The following STK10 variants were observed in gnomAD, a reference collection of about 807,000 sequenced individuals.
The protein encoded by STK10 is serine/threonine-protein kinase 10.
A neutral mutation model predicts 113.8 loss-of-function variants in STK10; 78 were observed. The observed-to-expected ratio is 0.69, with a 90% confidence interval of 0.57 to 0.83. The LOEUF is 0.83. Ranked by LOEUF, STK10 falls within the 40% of genes least tolerant of loss-of-function variation. STK10 has a pLI of 0.00. For synonymous variants in STK10, 465 were observed against 494.7 expected (o/e 0.94, Z 0.80); for missense variants, 1,109 against 1,280.1 (o/e 0.87, Z 2.04).
At position 172,045,040 on chromosome 5, in the gene STK10, T is replaced by C. The variant is rs752482062; in HGVS notation, c.2767-18A>G. 1.2e-5 allele frequency: 19 copies of C among 1,613,426 alleles called. No individual in the cohort carries two copies. In the Middle Eastern group the frequency reaches 6.6e-4, roughly 56 times the overall value. On this transcript the variant is annotated intron_variant, in intron 18 of 18. Coordinates refer to ENST00000176763, the MANE Select transcript of STK10 (RefSeq NM_005990.4). Reference sequence around the variant, plus strand: ...TCCAGAGCCTAGGGAAGAGAGAGGATGGATGGCACTTGGTGAGATCTGCAG... The same window carrying C: ...TCCAGAGCCTAGGGAAGAGAGAGGACGGATGGCACTTGGTGAGATCTGCAG...
At position 172,131,608 on chromosome 5, in the gene STK10, G is replaced by C. The variant is rs115820344; in HGVS notation, c.322-4187C>G. On this transcript the variant is annotated intron_variant, in intron 2 of 18. Coordinates refer to ENST00000176763, the MANE Select transcript of STK10 (RefSeq NM_005990.4). ...CTCTGGGTTAAGTTCCTCAGCTTTG[G>C]TTTGACTCCCAGGCCTTACTTGCTT... 2.7e-3 allele frequency among the ~76,000 whole-genome samples: 415 copies of C among 152,172 alleles called. 3 individuals are homozygous for C. Among genetic ancestry groups the C allele is most frequent in the African/African-American group, 9.6e-3 (399 of 41,516 alleles).
chr5:172,112,727 A>C (rs773162982), intron 4 of STK10, among the ~76,000 whole-genome samples: 1 of 149,448 alleles, frequency 6.7e-6, no homozygotes, highest in Non-Finnish European at 1.5e-5. Flanking sequence ...CCAGGACCCT[A>C]CATTTTTCAC....
intron 1 of STK10, among the ~76,000 whole-genome samples, chr5:172,182,160 G>A (rs1007467516): frequency 4.0e-5 from 6 of 151,494 alleles, no homozygotes; most frequent in Non-Finnish European, 7.4e-5. Context: ...AAAATTAGCC[G>A]GGTGTGGCGG....
intron 12 of STK10, among the ~76,000 whole-genome samples, chr5:172,078,813 C>A (rs1581144071): frequency 6.6e-6 from 1 of 151,934 alleles, no homozygotes; most frequent in South Asian, 2.1e-4. Context: ...CTTCCTGGAA[C>A]CCTGCTGGTG....
rs2113850634 is a variant in STK10, at chr5:172,187,613, A to C, written c.156+274T>G. The stretch of plus-strand genomic sequence containing the variant: ...CCCTTTGTCTCCCCGTGCGGCGCCG[A>C]GCGCAGTGCAGGACACACAGGAAGT... On this transcript the variant is annotated intron_variant, in intron 1 of 18. Transcript: ENST00000176763. The surrounding 1 kb of genome is among the most constrained non-coding windows in gnomAD (Gnocchi z 4.6). Among the ~76,000 whole-genome samples, 1 of 152,266 alleles carries C rather than the reference A, an allele frequency of 6.6e-6. No individual in the cohort carries two copies. The highest frequency in any genetic ancestry group is 2.4e-5 in the African/African-American group (1 of 41,566).
chr5:172,186,380 T>C (rs113735427), intron 1 of STK10, among the ~76,000 whole-genome samples: 1 of 152,030 alleles, frequency 6.6e-6, no homozygotes, highest in East Asian at 1.9e-4. Flanking sequence ...TCCCAACACT[T>C]TGGGAGGCTG....
In STK10 at chr5:172,090,168, A is replaced by G. The variant is rs958597693; in HGVS notation, c.1685+64T>C. The stretch of plus-strand genomic sequence containing the variant: ...AGACAGCCCTCTCACCAAAGGACCA[A>G]TGCCCACTCCTCTTACCATAGCCCC... On this transcript the variant is annotated intron_variant, in intron 10 of 18. Transcript: ENST00000176763. 15 of 1,590,418 alleles carry G rather than the reference A, an allele frequency of 9.4e-6. No homozygotes were observed. In the African/African-American group the frequency reaches 1.9e-4, roughly 20 times the overall value.
intron 1 of STK10, among the ~76,000 whole-genome samples, chr5:172,176,834 C>T (rs1168821193): frequency 2.0e-5 from 3 of 152,160 alleles, no homozygotes; most frequent in Non-Finnish European, 2.9e-5. Flanking sequence ...GAAGGAGGGG[C>T]CTTTTGGGAA....
At chr5:172,064,202 T>C (rs1369427481) in intron 13 of STK10, among the ~76,000 whole-genome samples, 1 of 151,752 alleles carries the variant, frequency 6.6e-6, no homozygotes, top group African/African-American at 2.4e-5. Context: ...AGTTCATAGA[T>C]CCAGAGACAG....
Position 172,117,478 on chromosome 5 carries a change from T to C in STK10, c.520+3A>G. Reference sequence around the variant, plus strand: ...TCCACCTTTCCCACCCTGAGCCCCTTACCCAGCCTGATGTCTCCCTCGAGG... The same window carrying C: ...TCCACCTTTCCCACCCTGAGCCCCTCACCCAGCCTGATGTCTCCCTCGAGG... On this transcript the variant is annotated splice_donor_region_variant and intron_variant, in intron 4 of 18. Transcript: ENST00000176763. 5 of 1,609,066 alleles carry C rather than the reference T, an allele frequency of 3.1e-6. No homozygotes were observed. Among genetic ancestry groups the C allele is most frequent in the Non-Finnish European group, 4.2e-6 (5 of 1,179,600 alleles).
chr5:172,084,087 T>C lies in STK10; in HGVS notation c.1686-1003A>G, dbSNP rs143288702. On this transcript the variant is annotated intron_variant, in intron 10 of 18. Coordinates refer to ENST00000176763, the MANE Select transcript of STK10 (RefSeq NM_005990.4). ...AAATCAAGTTTTAGAAAATGTTTAA[T>C]TACATAAGGAAACATATTAAAAATA... 2.3e-3 allele frequency among the ~76,000 whole-genome samples: 352 copies of C among 151,402 alleles called. 2 individuals are homozygous for C. The highest frequency in any genetic ancestry group is 7.6e-3 in the African/African-American group (310 of 40,898).
chr5:172,072,489 C>T (rs1768214408), intron 12 of STK10, among the ~76,000 whole-genome samples: 1 of 152,118 alleles, frequency 6.6e-6, no homozygotes, highest in African/African-American at 2.4e-5. Context: ...AGGATGGTCT[C>T]GATCTCCTGA....
chr5:172,173,469 G>C (rs1770697078), intron 1 of STK10, among the ~76,000 whole-genome samples: 1 of 152,216 alleles, frequency 6.6e-6, no homozygotes, highest in South Asian at 2.1e-4. Context: ...GGGAAGCCAG[G>C]CATCAGCATT....
chr5:172,105,130 T>C (rs1203743814), intron 7 of STK10, among the ~76,000 whole-genome samples: 1 of 151,396 alleles, frequency 6.6e-6, no homozygotes, highest in Non-Finnish European at 1.5e-5. Flanking sequence ...CGCTCTCGTC[T>C]CCCCTCCCCT....
At chr5:172,113,891 C>A (rs1769303199) in intron 4 of STK10, among the ~76,000 whole-genome samples, 1 of 143,018 alleles carries the variant, frequency 7.0e-6, no homozygotes, top group African/African-American at 2.6e-5. Flanking sequence ...CCAGCCTGGG[C>A]AACAAAAGCA....
Position 172,093,574 on chromosome 5 carries a change from C to G in STK10, c.1392G>C (p.Lys464Asn). 3 of 1,614,228 alleles carry G rather than the reference C, an allele frequency of 1.9e-6. No homozygotes were observed. The highest frequency in any genetic ancestry group is 1.7e-6 in the Non-Finnish European group (2 of 1,180,026). The change falls in exon 9 of 19, where the codon AAG becomes AAC. Residue 464 changes from lysine to asparagine, a missense_variant. Lys to Asn is a moderately conservative substitution (Grantham distance 94, BLOSUM62 0). Coordinates refer to ENST00000176763, the MANE Select transcript of STK10 (RefSeq NM_005990.4). This position sits in a 1 kb window ranked among gnomAD's most constrained non-coding sequence, Gnocchi z 4.1. ...GTGGCTCCAGGCTGCCATTGGCCAGCTTCTCCCCACCCAAGGTCTCCAGGG... is the reference window on the plus strand; with the variant it reads ...GTGGCTCCAGGCTGCCATTGGCCAGGTTCTCCCCACCCAAGGTCTCCAGGG... ...SSALETLGGE[K>N]LANGSLEPPA...
chr5:172,126,106 A>G (rs1769613868), intron 3 of STK10, among the ~76,000 whole-genome samples: 1 of 152,152 alleles, frequency 6.6e-6, no homozygotes, highest in Non-Finnish European at 1.5e-5. Flanking sequence ...CATGTCACTC[A>G]ACCTTCCAGG....
intron 2 of STK10, among the ~76,000 whole-genome samples, chr5:172,150,868 ACCACGGCGCCAG>A (rs1272044539): frequency 6.6e-6 from 1 of 152,232 alleles, no homozygotes; most frequent in Non-Finnish European, 1.5e-5. Flanking sequence ...AGGGAGGGTA[ACCACGGCGCCAG>A]CCAACTTCCT....
At chr5:172,115,773 T>C (rs1769370999) in intron 4 of STK10, among the ~76,000 whole-genome samples, 3 of 152,200 alleles carry the variant, frequency 2.0e-5, no homozygotes, top group Admixed American at 1.3e-4. Context: ...TCAGTGGCTT[T>C]TGAGAATGGA....
Sources: gnomAD v4.1 joint callset for allele counts (sites outside exome capture counted in the v4.1 genomes callset) on GRCh38, gnomAD v4.1.1 for gene constraint, Gnocchi (gnomAD v3.1) non-coding constraint, MANE v1.5 for transcripts, NCBI Gene and HGNC (gene_info 2026-07-23, HGNC 2026-07-21) for gene names.